Variants in ARHGAP10 observed in about 807,000 individuals in gnomAD.
ARHGAP10 encodes the protein Rho GTPase activating protein 10.
ARHGAP10 carries 87 observed loss-of-function variants against 108.6 expected under a neutral mutation model. That is an observed-to-expected ratio of 0.80 (90% confidence interval 0.67 to 0.96). The LOEUF is 0.96. Ranked by LOEUF, ARHGAP10 falls within the 40% of genes least tolerant of loss-of-function variation. The pLI is 0.00. For synonymous variants in ARHGAP10, 347 were observed against 341.1 expected (o/e 1.02, Z -0.19); for missense variants, 939 against 954.5 (o/e 0.98, Z 0.21).
intron 1 of ARHGAP10, among the ~76,000 whole-genome samples, chr4:147,758,292 T>C (rs1266446125): frequency 6.6e-6 from 1 of 152,036 alleles, no homozygotes; most frequent in Non-Finnish European, 1.5e-5. Flanking sequence ...TTTGATGTAG[T>C]TATGTATGAA....
chr4:147,826,460 C>A (rs1464982812), intron 3 of ARHGAP10, among the ~76,000 whole-genome samples: 1 of 152,122 alleles, frequency 6.6e-6, no homozygotes, highest in Non-Finnish European at 1.5e-5. Context: ...ATACACAACT[C>A]ATTGTGGGAA....
intron 3 of ARHGAP10, among the ~76,000 whole-genome samples, chr4:147,825,424 G>A (rs1732668537): frequency 6.6e-6 from 1 of 151,642 alleles, no homozygotes; most frequent in Non-Finnish European, 1.5e-5. Context: ...TCCAGCCTGG[G>A]CGACAGAGCG....
chr4:148,001,199 A>G (rs1740704908), intron 18 of ARHGAP10, among the ~76,000 whole-genome samples: 1 of 152,018 alleles, frequency 6.6e-6, no homozygotes, highest in South Asian at 2.1e-4. Context: ...TATTTTTGTC[A>G]GGTTTGTCAA....
intron 4 of ARHGAP10, chr4:147,854,820 A>G: frequency 1.0e-6 from 1 of 985,438 alleles, no homozygotes; most frequent in Non-Finnish European, 1.2e-6. Context: ...TATATGGACG[A>G]AGATATTTCT....
chr4:147,843,477 T>C (rs527307147), intron 3 of ARHGAP10, among the ~76,000 whole-genome samples: 1 of 152,286 alleles, frequency 6.6e-6, no homozygotes, highest in Non-Finnish European at 1.5e-5. Flanking sequence ...TCTCATTCTT[T>C]CTTTAAAACG....
chr4:147,741,642 AG>A (rs907135885), intron 1 of ARHGAP10, among the ~76,000 whole-genome samples: 1 of 152,058 alleles, frequency 6.6e-6, no homozygotes, highest in Non-Finnish European at 1.5e-5. Flanking sequence ...TGTAATTGCC[AG>A]GGGGATGCTT....
intron 7 of ARHGAP10, among the ~76,000 whole-genome samples, chr4:147,870,224 T>C (rs1020627463): frequency 4.6e-5 from 7 of 152,056 alleles, no homozygotes; most frequent in African/African-American, 1.7e-4. Context: ...CATGCCCGGC[T>C]AATTTTTTTG....
chr4:147,916,711 T>A (rs1470556883), intron 13 of ARHGAP10: 1 of 152,130 alleles, frequency 6.6e-6, no homozygotes, highest in Non-Finnish European at 1.5e-5. Context: ...TAAAAGGAAG[T>A]GATTCCAAAA....
intron 18 of ARHGAP10, among the ~76,000 whole-genome samples, chr4:147,996,829 G>C (rs1054497840): frequency 6.6e-6 from 1 of 152,180 alleles, no homozygotes; most frequent in Non-Finnish European, 1.5e-5. Context: ...GTCCTTAAGA[G>C]GTACATGCAC....
intron 3 of ARHGAP10, 148 bp from the exon 4 acceptor site, chr4:147,847,003 T>A (rs1022308364): frequency 3.8e-5 from 23 of 605,360 alleles, no homozygotes; most frequent in Non-Finnish European, 6.3e-5. Context: ...TGAGAAGTGA[T>A]TTAATTGTTG....
chr4:147,954,828 T>A (rs1348801091), intron 15 of ARHGAP10, among the ~76,000 whole-genome samples: 3 of 152,058 alleles, frequency 2.0e-5, no homozygotes, highest in Non-Finnish European at 4.4e-5. Flanking sequence ...ATCTCTCATC[T>A]TATAGGAATA....
At chr4:147,895,850 A>G (rs1735975266) in intron 10 of ARHGAP10, among the ~76,000 whole-genome samples, 1 of 152,188 alleles carries the variant, frequency 6.6e-6, no homozygotes, top group African/African-American at 2.4e-5. Flanking sequence ...AAAAGTGTTC[A>G]TTATTTAAAG....
intron 10 of ARHGAP10, among the ~76,000 whole-genome samples, chr4:147,903,273 A>C (rs1305349659): frequency 6.6e-6 from 1 of 152,040 alleles, no homozygotes; most frequent in Non-Finnish European, 1.5e-5. Flanking sequence ...TTAGGGGACA[A>C]CTCTGCATTC....
At chr4:148,070,654 G>A (rs1332538019) in intron 22 of ARHGAP10, among the ~76,000 whole-genome samples, 2 of 152,248 alleles carry the variant, frequency 1.3e-5, no homozygotes, top group East Asian at 3.9e-4. Context: ...CATGCGCGCA[G>A]TGAGGGTAAG....
intron 16 of ARHGAP10, 35 bp downstream of exon 16, chr4:147,955,409 T>G (rs752620198): frequency 1.1e-5 from 17 of 1,576,914 alleles, no homozygotes; most frequent in Non-Finnish European, 1.4e-5. Context: ...GGAACAGTTT[T>G]GTAGTTGGTA....
intron 1 of ARHGAP10, among the ~76,000 whole-genome samples, chr4:147,758,493 G>C (rs1384809042): frequency 6.6e-6 from 1 of 152,042 alleles, no homozygotes; most frequent in African/African-American, 2.4e-5. Flanking sequence ...AAGAAAGCCT[G>C]TCCCCTTTTG....
chr4:148,049,549 A>G (rs1391714512), intron 20 of ARHGAP10, among the ~76,000 whole-genome samples: 1 of 151,994 alleles, frequency 6.6e-6, no homozygotes, highest in Non-Finnish European at 1.5e-5. Flanking sequence ...ATCCTGACCT[A>G]TCTTAACGGT....
intron 1 of ARHGAP10, among the ~76,000 whole-genome samples, chr4:147,784,783 TA>T (rs1730784879): frequency 2.2e-5 from 1 of 45,678 alleles, no homozygotes; most frequent in African/African-American, 5.3e-5. Flanking sequence ...TATAATATAT[TA>T]TAAAATATAT....
chr4:147,771,519 CT>C (rs1383251654), intron 1 of ARHGAP10, among the ~76,000 whole-genome samples: 2 of 151,820 alleles, frequency 1.3e-5, no homozygotes, highest in East Asian at 3.9e-4. Flanking sequence ...TATAGTCACC[CT>C]GTTGTGCCAG....
Sources: gnomAD v4.1 joint callset for allele counts (sites outside exome capture counted in the v4.1 genomes callset) on GRCh38, gnomAD v4.1.1 for gene constraint, MANE v1.5 for transcripts, NCBI Gene and HGNC (gene_info 2026-07-23, HGNC 2026-07-21) for gene names.